ABTB3: variants seen among roughly 807,000 people sequenced by gnomAD.
ABTB3 encodes the protein ankyrin repeat and BTB domain containing 3.
the ABTB3 span, among the ~76,000 whole-genome samples, chr12:107,373,278 T>C: frequency 6.6e-6 from 1 of 150,398 alleles, no homozygotes; most frequent in African/African-American, 2.5e-5. Context: ...GATGGAGCAA[T>C]TCCCATCTAC....
the ABTB3 span, among the ~76,000 whole-genome samples, chr12:107,485,147 CA>C: frequency 2.0e-5 from 3 of 152,106 alleles, no homozygotes; most frequent in Admixed American, 1.3e-4. Context: ...AATAATGGGC[CA>C]AAGCTCACAG....
the ABTB3 span, among the ~76,000 whole-genome samples, chr12:107,523,657 C>T: frequency 6.6e-6 from 1 of 151,998 alleles, no homozygotes; most frequent in African/African-American, 2.4e-5. Flanking sequence ...TGTGTGAATG[C>T]TATTTTGAGA....
At chr12:107,520,556 T>G in the ABTB3 span, 1 of 1,614,240 alleles carries the variant, frequency 6.2e-7, no homozygotes, top group Non-Finnish European at 8.5e-7. Context: ...CCAGGGGAAC[T>G]GCCCATGTTC....
the ABTB3 span, among the ~76,000 whole-genome samples, chr12:107,576,436 G>A: frequency 1.1e-4 from 17 of 152,170 alleles, no homozygotes; most frequent in African/African-American, 4.1e-4. Context: ...TGGCGTGCAT[G>A]GCCACCCTCT....
At chr12:107,447,085 C>A in the ABTB3 span, among the ~76,000 whole-genome samples, 2 of 152,208 alleles carry the variant, frequency 1.3e-5, no homozygotes, top group Non-Finnish European at 2.9e-5. Flanking sequence ...CCAGAGAGTG[C>A]AGTTCCAGGC....
At chr12:107,427,109 A>G in the ABTB3 span, among the ~76,000 whole-genome samples, 1 of 152,138 alleles carries the variant, frequency 6.6e-6, no homozygotes, top group Non-Finnish European at 1.5e-5. Context: ...TCTGGGGCTA[A>G]AGTCAAAGTG....
chr12:107,361,235 C>T, the ABTB3 span, among the ~76,000 whole-genome samples: 1 of 152,198 alleles, frequency 6.6e-6, no homozygotes, highest in Non-Finnish European at 1.5e-5. Flanking sequence ...CTAAACACTG[C>T]TAACAACTTG....
chr12:107,637,829 TGTGTGG>T, the ABTB3 span, among the ~76,000 whole-genome samples: 24 of 125,840 alleles, frequency 1.9e-4, no homozygotes, highest in African/African-American at 6.6e-4. Context: ...TGTGTGTGTG[TGTGTGG>T]TATGGTGTCC....
the ABTB3 span, among the ~76,000 whole-genome samples, chr12:107,561,778 CT>C: frequency 6.6e-6 from 1 of 152,206 alleles, no homozygotes; most frequent in Non-Finnish European, 1.5e-5. Context: ...TTACTCCCCC[CT>C]CTTACTCCTT....
the ABTB3 span, among the ~76,000 whole-genome samples, chr12:107,464,874 G>A: frequency 6.6e-6 from 1 of 152,206 alleles, no homozygotes; most frequent in African/African-American, 2.4e-5. Flanking sequence ...GAGAGGTGAT[G>A]TTACCAGCAT....
At chr12:107,473,136 T>C in the ABTB3 span, among the ~76,000 whole-genome samples, 1 of 152,208 alleles carries the variant, frequency 6.6e-6, no homozygotes, top group Non-Finnish European at 1.5e-5. Context: ...CGTGAACTTC[T>C]CTGGGGCAAG....
the ABTB3 span, among the ~76,000 whole-genome samples, chr12:107,431,635 CA>C: frequency 6.6e-6 from 1 of 152,204 alleles, no homozygotes; most frequent in Admixed American, 6.5e-5. Flanking sequence ...CACCCGCCCC[CA>C]AAAAAAGTTA....
chr12:107,387,339 CG>C, the ABTB3 span, among the ~76,000 whole-genome samples: 1 of 152,112 alleles, frequency 6.6e-6, no homozygotes, highest in Non-Finnish European at 1.5e-5. Flanking sequence ...CCTGCTCCTG[CG>C]GGTAAGTCTC....
the ABTB3 span, among the ~76,000 whole-genome samples, chr12:107,638,818 G>A: frequency 6.6e-6 from 1 of 152,188 alleles, no homozygotes; most frequent in African/African-American, 2.4e-5. Context: ...ACTGAGGCAT[G>A]GGTTGGCTAA....
the ABTB3 span, chr12:107,620,301 C>T: frequency 8.6e-7 from 1 of 1,167,256 alleles, no homozygotes; most frequent in Non-Finnish European, 1.2e-6. Flanking sequence ...CGAATGTAGC[C>T]CAGCAGACGA....
At chr12:107,391,605 G>A in the ABTB3 span, among the ~76,000 whole-genome samples, 10 of 152,212 alleles carry the variant, frequency 6.6e-5, no homozygotes. Context: ...GAGCACACAT[G>A]TGGACCCCAG....
the ABTB3 span, among the ~76,000 whole-genome samples, chr12:107,355,895 A>T: frequency 6.6e-6 from 1 of 152,220 alleles, no homozygotes; most frequent in Non-Finnish European, 1.5e-5. Flanking sequence ...AACCTCAGTT[A>T]TTGGTGTAAC....
chr12:107,514,540 G>A, the ABTB3 span, among the ~76,000 whole-genome samples: 1 of 152,082 alleles, frequency 6.6e-6, no homozygotes, highest in Non-Finnish European at 1.5e-5. Context: ...ACCAGGCCAC[G>A]GCTGCCCTTG....
the ABTB3 span, among the ~76,000 whole-genome samples, chr12:107,349,203 C>T: frequency 2.6e-5 from 4 of 152,286 alleles, no homozygotes; most frequent in South Asian, 6.2e-4. Context: ...TCTGTCCTGA[C>T]GCCTCAGCCC....
Sources: allele counts gnomAD v4.1 joint callset (sites outside exome capture counted in the v4.1 genomes callset), GRCh38; gene constraint gnomAD v4.1.1; transcripts MANE v1.5; gene names NCBI Gene and HGNC (gene_info 2026-07-23, HGNC 2026-07-21).